The following PARVB variants were observed in gnomAD, a reference collection of about 807,000 sequenced individuals.
PARVB encodes the protein beta-parvin.
A neutral mutation model predicts 47.0 loss-of-function variants in PARVB; 46 were observed. That is an observed-to-expected ratio of 0.98 (90% confidence interval 0.77 to 1.25). PARVB has a LOEUF of 1.25. Ranked by LOEUF, PARVB falls within the 50% of genes most tolerant of loss-of-function variation. The probability of loss-of-function intolerance (pLI) is 0.00; values close to 1 mark genes in which losing one functional copy is unlikely to be tolerated. For missense variants in PARVB, 473 were observed against 471.6 expected (o/e 1.00, Z -0.03); for synonymous variants, 196 against 196.3 (o/e 1.00, Z 0.01).
intron 9 of PARVB, chr22:44,149,708 C>G (rs1273051935): frequency 6.6e-6 from 1 of 152,306 alleles, no homozygotes; most frequent in East Asian, 1.9e-4. Context: ...CTTGACTTCT[C>G]CGTCCCACCA....
Position 44,013,685 on chromosome 22 carries a change from T to A in PARVB, c.211+14012T>A, listed in dbSNP as rs535738965. On this transcript the variant is annotated intron_variant, in intron 2 of 13. Transcript: ENST00000406477. Reference sequence around the variant, plus strand: ...TCTCACTCTGTCTCCCAGGCTGGAGTGCAGTGGTGCGATCTCGGCTCACTG... The same window carrying A: ...TCTCACTCTGTCTCCCAGGCTGGAGAGCAGTGGTGCGATCTCGGCTCACTG... 1.2e-4 allele frequency among the ~76,000 whole-genome samples: 19 copies of A among 152,214 alleles called. No individual in the cohort carries two copies. The South Asian group carries it at 1.5e-3, about 12-fold the overall frequency.
chr22:44,026,149 G>A (rs1355464217), intron 1 of PARVB, among the ~76,000 whole-genome samples: 3 of 152,216 alleles, frequency 2.0e-5, no homozygotes, highest in Non-Finnish European at 2.9e-5. Context: ...GGAATAGGAA[G>A]AACACACACC....
chr22:44,025,792 T>C (rs984091436), intron 1 of PARVB, among the ~76,000 whole-genome samples: 3 of 152,206 alleles, frequency 2.0e-5, no homozygotes, highest in Non-Finnish European at 2.9e-5. Context: ...GGTTCCTCTT[T>C]ATGGCTTGCA....
At chr22:44,097,967 C>T (rs2052348797) in intron 2 of PARVB, among the ~76,000 whole-genome samples, 1 of 152,170 alleles carries the variant, frequency 6.6e-6, no homozygotes, top group Admixed American at 6.5e-5. Context: ...TCCGAGCCAC[C>T]ATGGCATGCT....
At chr22:44,028,224 G>A (rs1020688479) in intron 1 of PARVB, among the ~76,000 whole-genome samples, 17 of 152,122 alleles carry the variant, frequency 1.1e-4, no homozygotes, top group African/African-American at 3.9e-4. Context: ...CACCTCTGGA[G>A]CAGCGTCACT....
chr22:44,044,372 AG>A (rs925529229), intron 1 of PARVB, among the ~76,000 whole-genome samples: 1 of 151,618 alleles, frequency 6.6e-6, no homozygotes, highest in Non-Finnish European at 1.5e-5. Context: ...TTGTGTTTTT[AG>A]TAGAGACAGG....
chr22:44,017,397 C>T (rs141275501), intron 2 of PARVB, among the ~76,000 whole-genome samples: 16 of 152,248 alleles, frequency 1.1e-4, no homozygotes, highest in East Asian at 7.7e-4. Context: ...GCGAGTACCA[C>T]GCTTGCATTT....
chr22:44,068,597 G>A lies in PARVB; in HGVS notation c.113-25331G>A, dbSNP rs1404010378. Among the ~76,000 whole-genome samples, 5 of 152,198 alleles carry A rather than the reference G, an allele frequency of 3.3e-5. No homozygotes were observed. Among genetic ancestry groups the A allele is most frequent in the Non-Finnish European group, 7.4e-5 (5 of 68,026 alleles). On this transcript the variant is annotated intron_variant, in intron 1 of 12. Transcript: ENST00000338758. The surrounding 1 kb of genome is among the most constrained non-coding windows in gnomAD (Gnocchi z 4.1). ...GGAAACGGGGTGGCAAGTGTTCCAT[G>A]TGTTAGCATTTGGTCCTCCTGACGT... is the stretch of plus-strand genomic sequence containing the variant.
rs1196029234 is a variant in PARVB, at chr22:44,155,731, G to A, written c.844-2251G>A. ...TGTGGGCATGAAGCTTCCATGTGGA[G>A]ACACACTTAAAAGAATTCTTCAAAC... On this transcript the variant is annotated intron_variant, in intron 10 of 12. Coordinates refer to ENST00000338758, the MANE Select transcript of PARVB (RefSeq NM_013327.5). This position sits in a 1 kb window ranked among gnomAD's most constrained non-coding sequence, Gnocchi z 4.8. Among the ~76,000 whole-genome samples, 2 of 152,210 alleles carry A rather than the reference G, an allele frequency of 1.3e-5. No individual in the cohort carries two copies. Among genetic ancestry groups the A allele is most frequent in the East Asian group, 1.9e-4 (1 of 5,188 alleles).
At chr22:44,111,484 C>T (rs547038870) in intron 3 of PARVB, 2 of 108,362 alleles carry the variant, frequency 1.8e-5, no homozygotes, top group South Asian at 6.6e-4. Flanking sequence ...GGGTCTTGCT[C>T]TGTTGCCCAG....
chr22:44,013,627 A>C (rs1394254037), intron 2 of PARVB, among the ~76,000 whole-genome samples: 1 of 152,124 alleles, frequency 6.6e-6, no homozygotes, highest in Non-Finnish European at 1.5e-5. Context: ...TTTTGGAGAT[A>C]CACTACATTG....
intron 10 of PARVB, chr22:44,151,942 C>T: frequency 5.1e-6 from 1 of 197,630 alleles, no homozygotes; most frequent in Non-Finnish European, 1.1e-5. Context: ...CACATCACTC[C>T]CTTCTTTGCC....
At chr22:44,141,300 A>G (rs1053707307) in intron 8 of PARVB, 1 of 152,294 alleles carries the variant, frequency 6.6e-6, no homozygotes, top group Non-Finnish European at 1.5e-5. Flanking sequence ...TACTAAGGGT[A>G]TTAACTCACA....
At chr22:44,018,845 C>T (rs950115325) in intron 2 of PARVB, among the ~76,000 whole-genome samples, 10 of 152,308 alleles carry the variant, frequency 6.6e-5, no homozygotes, top group South Asian at 2.1e-4. Context: ...ATGGTTGACT[C>T]GTGCGCTGCC....
intron 1 of PARVB, among the ~76,000 whole-genome samples, chr22:44,071,345 C>T (rs915073067): frequency 1.3e-5 from 2 of 152,310 alleles, no homozygotes; most frequent in Admixed American, 6.5e-5. Flanking sequence ...GCTCATATAT[C>T]CTCCACTTCT....
intron 1 of PARVB, among the ~76,000 whole-genome samples, chr22:44,090,367 A>G (rs1023310307): frequency 5.3e-5 from 8 of 152,168 alleles, no homozygotes; most frequent in African/African-American, 1.7e-4. Context: ...GCCCCTTCAG[A>G]ATGCGCTGCT....
At chr22:44,062,275 C>T (rs577781763) in intron 1 of PARVB, among the ~76,000 whole-genome samples, 2 of 152,204 alleles carry the variant, frequency 1.3e-5, no homozygotes, top group African/African-American at 4.8e-5. Context: ...CTCAGCCCCA[C>T]GAGACTGCAC....
chr22:44,075,854 G>T (rs773727867), intron 1 of PARVB, among the ~76,000 whole-genome samples: 1 of 152,222 alleles, frequency 6.6e-6, no homozygotes, highest in Non-Finnish European at 1.5e-5. Context: ...CAGAGGATCC[G>T]CTGCTCTTGC....
chr22:44,001,118 T>C (rs2050409007), intron 2 of PARVB, among the ~76,000 whole-genome samples: 2 of 152,072 alleles, frequency 1.3e-5, no homozygotes, highest in Non-Finnish European at 2.9e-5. Flanking sequence ...GGCGTGGTGG[T>C]GGGCGCCTGT....
Sources: allele counts gnomAD v4.1 joint callset (sites outside exome capture counted in the v4.1 genomes callset), GRCh38; gene constraint gnomAD v4.1.1; non-coding constraint Gnocchi (gnomAD v3.1); transcripts MANE v1.5; gene names NCBI Gene and HGNC (gene_info 2026-07-23, HGNC 2026-07-21).